The following KEAP1 variants were observed in gnomAD, a reference collection of about 807,000 sequenced individuals.
KEAP1 encodes kelch like ECH associated protein 1, also known as kelch-like ECH-associated protein 1.
KEAP1 carries 26 observed loss-of-function variants against 59.7 expected under a neutral mutation model. The ratio of observed to expected loss-of-function variants is 0.44; its 90% CI spans 0.32 to 0.60. The LOEUF is 0.60. Ranked by LOEUF, KEAP1 falls within the 20% of genes least tolerant of loss-of-function variation. The pLI, the probability that KEAP1 is intolerant of heterozygous loss-of-function variation, is 0.06. For synonymous variants in KEAP1, 350 were observed against 358.3 expected, an observed-to-expected ratio of 0.98 and a Z score of 0.26; for missense variants, 539 against 871.4, an observed-to-expected ratio of 0.62 and a Z score of 4.80.
At position 10,491,684 on chromosome 19, in the gene KEAP1, G is replaced by A. The variant is rs762516594; in HGVS notation, c.1218C>T (p.Cys406=). 13 of 1,576,768 alleles carry A rather than the reference G, an allele frequency of 8.2e-6. No homozygotes were observed. The Admixed American group carries it at 1.3e-4, about 16-fold the overall frequency. ...GGTTACGGGGCACGCTCATGGGGGC[G>A]CAGGGCGACCACTGATTGGTCATGG... is the stretch of plus-strand genomic sequence containing the variant. ...YNPMTNQWSP[C]APMSVPRNRI... is the part of the protein sequence containing the mutation. The change falls in exon 3 of 6, where the codon TGC becomes TGT. Residue 406 remains cysteine (C), a synonymous_variant. Transcript: ENST00000171111. This position sits in a 1 kb window ranked among gnomAD's most constrained non-coding sequence, Gnocchi z 5.2.
chr19:10,500,909 A>T (rs1192010529), intron 1 of KEAP1, among the ~76,000 whole-genome samples: 1 of 151,974 alleles, frequency 6.6e-6, no homozygotes, highest in African/African-American at 2.4e-5. Flanking sequence ...CAAACTCCTG[A>T]CCTCAAGTGA....
In KEAP1 at chr19:10,491,621, G is replaced by T. The variant is rs756639831; in HGVS notation, c.1281C>A (p.Ala427=). The T allele has an allele frequency of 6.3e-7, 1 of 1,589,056 alleles. No individual in the cohort carries two copies. The highest frequency in any genetic ancestry group is 8.6e-7 in the Non-Finnish European group (1 of 1,168,418). The change falls in exon 3 of 6, where the codon GCC becomes GCA. Residue 427 remains alanine, a synonymous_variant. Coordinates refer to ENST00000171111, the MANE Select transcript of KEAP1 (RefSeq NM_203500.2). This position sits in a 1 kb window ranked among gnomAD's most constrained non-coding sequence, Gnocchi z 5.2. ...GVGVIDGHIY[A]VGGSHGCIHH... ...GGATGCAGCCGTGGGAGCCGCCGAC[G>T]GCATAGATGTGGCCATCGATGACCC...
intron 2 of KEAP1, 37 bp from the exon 3 acceptor site, chr19:10,492,299 G>T: frequency 1.3e-6 from 2 of 1,530,642 alleles, no homozygotes; most frequent in Non-Finnish European, 1.8e-6. Flanking sequence ...TGACTCTCCA[G>T]TCACCCCCAC....
rs765414782 is a variant in KEAP1, at chr19:10,491,730, C to T, written c.1172G>A (p.Ser391Asn). 1.9e-6 allele frequency: 3 copies of T among 1,569,020 alleles called. No individual in the cohort carries two copies. Among genetic ancestry groups the T allele is most frequent in the South Asian group, 2.3e-5 (2 of 85,688 alleles). The change falls in exon 3 of 6, where the codon AGC becomes AAC. Residue 391 changes from serine (S) to asparagine (N), a missense_variant. Physicochemically the swap from Ser to Asn is conservative, Grantham distance 46. Coordinates refer to ENST00000171111, the MANE Select transcript of KEAP1 (RefSeq NM_203500.2). This position sits in a 1 kb window ranked among gnomAD's most constrained non-coding sequence, Gnocchi z 5.2. The stretch of plus-strand genomic sequence containing the variant: ...CATGGGGTTGTAACAGTCCAGGGCG[C>T]TGGAGTCGGTGTTGCCGTCGGGCGA... ...NNSPDGNTDS[S>N]ALDCYNPMTN...
At position 10,499,626 on chromosome 19, in the gene KEAP1, G is replaced by A. The variant is rs773199037; in HGVS notation, c.408C>T (p.Leu136=). Residue 136 remains leucine, a synonymous_variant, in exon 2 of 6, where the codon CTC becomes CTT. Transcript: ENST00000171111. This position sits in a 1 kb window ranked among gnomAD's most constrained non-coding sequence, Gnocchi z 6.7. The stretch of plus-strand genomic sequence containing the variant: ...TGGAGGCCGTGTAGGCGAATTCAAT[G>A]AGGCGCTCCATGACCTTGGGGTGGA... ...EGIHPKVMER[L]IEFAYTASIS... 6.2e-7 allele frequency: 1 copy of A among 1,614,028 alleles called. No homozygotes were observed.
Position 10,491,897 on chromosome 19 carries a change from G to T in KEAP1, c.1005C>A (p.Phe335Leu). Residue 335 changes from phenylalanine (F) to leucine (L), a missense_variant, in exon 3 of 6, where the codon TTC (phenylalanine) becomes TTA (leucine). This residue lies in a region of KEAP1 where 311 missense variants were observed against 425.2 expected (regional missense o/e 0.73). Transcript: ENST00000171111. The surrounding 1 kb of genome is among the most constrained non-coding windows in gnomAD (Gnocchi z 5.2). ...GRLIYTAGGY[F>L]RQSLSYLEAY... ...CCTCCAGGTAGCTGAGCGACTGTCG[G>T]AAGTAGCCGCCCGCGGTGTAGATCA... The T allele has an allele frequency of 6.2e-7, 1 of 1,613,546 alleles. No individual in the cohort carries two copies. The highest frequency in any genetic ancestry group is 1.1e-5 in the South Asian group (1 of 91,062).
intron 3 of KEAP1, 51 bp from the exon 4 acceptor site, chr19:10,489,904 G>A (rs755404219): frequency 6.5e-6 from 10 of 1,527,308 alleles, no homozygotes; most frequent in East Asian, 4.7e-5. Flanking sequence ...GCTGACCTTC[G>A]TGGAATACTT....
chr19:10,500,655 C>T (rs1186570019), intron 1 of KEAP1, among the ~76,000 whole-genome samples: 7 of 150,172 alleles, frequency 4.7e-5, no homozygotes, highest in African/African-American at 1.5e-4. Flanking sequence ...ATTGTGACAA[C>T]GTGAGAATCG....
rs1245862456 is a variant in KEAP1 at position 10,489,237 on chromosome 19, T to A, written c.1663A>T (p.Ser555Cys). 6.2e-7 allele frequency: 1 copy of A among 1,612,430 alleles called. No individual in the cohort carries two copies. Among genetic ancestry groups the A allele is most frequent in the African/African-American group, 1.3e-5 (1 of 74,822 alleles). The stretch of plus-strand genomic sequence containing the variant: ...TGGTGGACAGTGATCCCCAGGGCAC[T>A]TCGCCGGTGCTTCATGGGGGCTACG... Reference protein sequence around the residue: ...TFVAPMKHRRSALGITVHQGR... With the variant: ...TFVAPMKHRRCALGITVHQGR... Residue 555 changes from serine (S) to cysteine (C), a missense_variant, in exon 5 of 6, where the codon AGT becomes TGT. Transcript: ENST00000171111.
At chr19:10,493,912 G>A (rs888279580) in intron 2 of KEAP1, among the ~76,000 whole-genome samples, 2 of 152,024 alleles carry the variant, frequency 1.3e-5, no homozygotes, top group Non-Finnish European at 2.9e-5. Context: ...CTCCCTAAGT[G>A]CTAGGATTAC....
chr19:10,499,010 T>C lies in KEAP1; in HGVS notation c.639+385A>G, dbSNP rs917778162. Among the ~76,000 whole-genome samples the C allele has an allele frequency of 6.6e-6, 1 of 151,988 alleles. No individual in the cohort carries two copies. Among genetic ancestry groups the C allele is most frequent in the Non-Finnish European group, 1.5e-5 (1 of 67,992 alleles). ...CCACCAGGCCTGGCTAATTTTTATA[T>C]TTTTAGTAGAGATGGGTTTTAGCTA... is the stretch of plus-strand genomic sequence containing the variant. On this transcript the variant is annotated intron_variant, in intron 2 of 5. Transcript: ENST00000171111. The surrounding 1 kb of genome is among the most constrained non-coding windows in gnomAD (Gnocchi z 6.7).
Position 10,491,986 on chromosome 19 carries a change from C to T in KEAP1, c.916G>A (p.Glu306Lys), listed in dbSNP as rs1457377196. The T allele has an allele frequency of 4.3e-6, 7 of 1,614,068 alleles. No individual in the cohort carries two copies. Among genetic ancestry groups the T allele is most frequent in the Non-Finnish European group, 5.9e-6 (7 of 1,180,042 alleles). The change falls in exon 3 of 6, where the codon GAG becomes AAG. Residue 306 changes from glutamate (E) to lysine (K), a missense_variant. Around this residue, in one of 4 missense-constraint regions of KEAP1, gnomAD observed 61 missense variants for 129.9 expected, o/e 0.47. Coordinates refer to ENST00000171111, the MANE Select transcript of KEAP1 (RefSeq NM_203500.2). This position sits in a 1 kb window ranked among gnomAD's most constrained non-coding sequence, Gnocchi z 5.2. ...GTGGGCTTGTGCAGGGTGAGCTCCT[C>T]GAAGATCTTGACCAGGTAGTCCTTG... ...RCKDYLVKIF[E>K]ELTLHKPTQV... is the part of the protein sequence containing the mutation.
At position 10,498,505 on chromosome 19, in the gene KEAP1, C is replaced by A. The variant is rs188053697; in HGVS notation, c.639+890G>T. Among the ~76,000 whole-genome samples, 773 of 152,276 alleles carry A rather than the reference C, an allele frequency of 5.1e-3. 14 individuals carry two copies. The highest frequency in any genetic ancestry group is 0.027 in the South Asian group (132 of 4,830). Reference sequence around the variant, plus strand: ...TACAGGCGTGAGCCACTGGGCCCTGCCCTCTCTTGTCAATTTCTATAGATA... The same window carrying A: ...TACAGGCGTGAGCCACTGGGCCCTGACCTCTCTTGTCAATTTCTATAGATA... On this transcript the variant is annotated intron_variant, in intron 2 of 5. Transcript: ENST00000171111.
intron 2 of KEAP1, among the ~76,000 whole-genome samples, chr19:10,496,589 G>A (rs139518201): frequency 6.6e-6 from 1 of 151,820 alleles, no homozygotes; most frequent in South Asian, 2.1e-4. Flanking sequence ...ATCACGTGAG[G>A]TAAGGAGTTC....
intron 5 of KEAP1, among the ~76,000 whole-genome samples, chr19:10,488,731 G>T (rs1454365624): frequency 1.3e-5 from 2 of 152,112 alleles, no homozygotes; most frequent in East Asian, 3.8e-4. Flanking sequence ...AGGAGTTCGA[G>T]ACCATCCTGG....
rs751899258 is a variant in KEAP1 at position 10,491,593 on chromosome 19, G to A, written c.1309C>T (p.His437Tyr). The A allele has an allele frequency of 1.9e-6, 3 of 1,568,394 alleles. No individual in the cohort carries two copies. The South Asian group carries it at 3.6e-5, about 19-fold the overall frequency. Residue 437 changes from histidine to tyrosine, a missense_variant, in exon 3 of 6, where the codon CAC (histidine) becomes TAC (tyrosine). Coordinates refer to ENST00000171111, the MANE Select transcript of KEAP1 (RefSeq NM_203500.2). The surrounding 1 kb of genome is among the most constrained non-coding windows in gnomAD (Gnocchi z 5.2). The stretch of plus-strand genomic sequence containing the variant: ...GCCACTCACCTCTCCACACTGTTGT[G>A]GTGGATGCAGCCGTGGGAGCCGCCG... ...AVGGSHGCIH[H>Y]NSVERYEPER...
chr19:10,486,479 G>C lies in KEAP1; in HGVS notation c.*173C>G. The C allele has an allele frequency of 4.2e-6, 3 of 708,484 alleles. No homozygotes were observed. The highest frequency in any genetic ancestry group is 7.2e-6 in the Non-Finnish European group (3 of 414,820). The allele number at this position is 708,484 out of a possible 1,614,324, so 43.9% of individuals were successfully genotyped here. A position where few individuals can be genotyped will look rare whatever the true frequency, so the allele number is the denominator to read the frequency against. On this transcript the variant is annotated 3_prime_UTR_variant, in exon 6 of 6. Transcript: ENST00000171111. ...CCCGGGGCTCCGCTGAGGGGCACAT[G>C]ATTCCCGCTTTGGACTTCTTTTGAG...
At chr19:10,495,477 C>T (rs1042992025) in intron 2 of KEAP1, among the ~76,000 whole-genome samples, 3 of 152,168 alleles carry the variant, frequency 2.0e-5, no homozygotes, top group Admixed American at 6.6e-5. Flanking sequence ...GCAGGCGGAT[C>T]ACCTGAGGTC....
rs781293990 is a variant in KEAP1 at position 10,488,340 on chromosome 19, C to T, written c.1708+852G>A. On this transcript the variant is annotated intron_variant, in intron 5 of 5. Coordinates refer to ENST00000171111, the MANE Select transcript of KEAP1 (RefSeq NM_203500.2). The stretch of plus-strand genomic sequence containing the variant: ...ATAAACAAAAACATTAAGCTGGGCG[C>T]GGTGGCTCACACCTGTAATCCCAGC... Among the ~76,000 whole-genome samples, 4 of 151,508 alleles carry T rather than the reference C, an allele frequency of 2.6e-5. No homozygotes were observed. The East Asian group carries it at 5.9e-4, about 22-fold the overall frequency.
Sources: allele counts gnomAD v4.1 joint callset (sites outside exome capture counted in the v4.1 genomes callset), GRCh38; gene constraint gnomAD v4.1.1; regional missense constraint gnomAD v4.1.1; non-coding constraint Gnocchi (gnomAD v3.1); transcripts MANE v1.5; gene names NCBI Gene and HGNC (gene_info 2026-07-23, HGNC 2026-07-21).